MYH14: variants seen among roughly 807,000 people sequenced by gnomAD.
MYH14 encodes myosin heavy chain 14, also known as myosin-14.
MYH14 carries 123 observed loss-of-function variants against 255.5 expected under a neutral mutation model. The observed-to-expected ratio is 0.48, with a 90% CI of 0.42 to 0.56. The LOEUF (loss-of-function observed/expected upper bound fraction) is 0.56. MYH14 is among the 20% of genes least tolerant of loss of function. MYH14 has a pLI of 0.00. For synonymous variants in MYH14, 1,095 were observed against 1,161.2 expected, an observed-to-expected ratio of 0.94 and a Z score of 1.16; for missense variants, 2,423 against 2,802.3, an observed-to-expected ratio of 0.86 and a Z score of 3.06.
intron 17 of MYH14, 130 bp downstream of exon 17, chr19:50,255,448 C>T (rs1429552027): frequency 2.8e-6 from 2 of 705,492 alleles, no homozygotes; most frequent in African/African-American, 3.5e-5. Context: ...CTTCCTTTCC[C>T]TCCTTGTTGG....
chr19:50,223,124 A>G lies in MYH14; in HGVS notation c.590+14A>G. On this transcript the variant is annotated intron_variant, in intron 4 of 42. Transcript: ENST00000642316. Reference sequence around the variant, plus strand: ...CATTCTCTGCACGTGAGTAATCTGGAAGGACTTCCTGGAGGAGGAGAGGTC... The same window carrying G: ...CATTCTCTGCACGTGAGTAATCTGGGAGGACTTCCTGGAGGAGGAGAGGTC... 1 of 1,613,498 alleles carries G rather than the reference A, an allele frequency of 6.2e-7. No homozygotes were observed. Among genetic ancestry groups the G allele is most frequent in the Non-Finnish European group, 8.5e-7 (1 of 1,179,520 alleles).
chr19:50,231,602 A>G (rs1363591854), intron 9 of MYH14, among the ~76,000 whole-genome samples: 7 of 151,840 alleles, frequency 4.6e-5, no homozygotes, highest in Non-Finnish European at 7.4e-5. Context: ...AGTCCCAGCT[A>G]TGTGGGAGGC....
intron 10 of MYH14, among the ~76,000 whole-genome samples, chr19:50,238,651 C>T (rs896140035): frequency 2.6e-5 from 4 of 152,082 alleles, no homozygotes; most frequent in Non-Finnish European, 4.4e-5. Context: ...CGGGGTTCAC[C>T]ATGTTGGCCA....
chr19:50,309,754 G>T lies in MYH14; in HGVS notation c.6075G>T (p.Pro2025=), dbSNP rs764190666. The change falls in exon 43 of 43, where the codon CCG becomes CCT. Residue 2025 remains proline, a synonymous_variant. Transcript: ENST00000642316. ...CACAGCCTGGGTCTGGGCCATCCCC[G>T]GAGCCTGAGGGGTCCCCACCAGCCC... ...EEAQPGSGPS[P]EPEGSPPAHP... 17 of 1,589,414 alleles carry T rather than the reference G, an allele frequency of 1.1e-5. No homozygotes were observed. Among genetic ancestry groups the T allele is most frequent in the Non-Finnish European group, 1.5e-5 (17 of 1,168,334 alleles).
Position 50,210,623 on chromosome 19 carries a change from G to T in MYH14, c.258G>T (p.Gly86=). ...EEAEVELAES[G]RRLRLPRDQI... The stretch of plus-strand genomic sequence containing the variant: ...CGGAGGTGGAGCTGGCGGAGAGCGG[G>T]AGGCGGCTGCGACTGCCGCGGGACC... The change falls in exon 2 of 43, where the codon GGG becomes GGT. Residue 86 remains glycine, a synonymous_variant. Transcript: ENST00000642316. The T allele has an allele frequency of 6.4e-7, 1 of 1,570,310 alleles. No homozygotes were observed. The highest frequency in any genetic ancestry group is 2.4e-5 in the East Asian group (1 of 42,218).
At chr19:50,305,382 C>T (rs536728516) in intron 40 of MYH14, among the ~76,000 whole-genome samples, 1 of 152,210 alleles carries the variant, frequency 6.6e-6, no homozygotes, top group South Asian at 2.1e-4. Flanking sequence ...GAGCTAAGGC[C>T]TGGTGACTGA....
chr19:50,301,609 A>G, intron 39 of MYH14, 52 bp from the exon 40 acceptor site: 8 of 1,472,730 alleles, frequency 5.4e-6, no homozygotes, highest in Non-Finnish European at 6.6e-6. Flanking sequence ...TTTACCTACC[A>G]CCTTCCCTCT....
At chr19:50,225,717 T>C (rs767058979) in intron 7 of MYH14, 40 bp downstream of exon 7, 5 of 1,523,648 alleles carry the variant, frequency 3.3e-6, no homozygotes, top group Admixed American at 1.7e-5. Flanking sequence ...GTGTCAGGGA[T>C]ACAGGAGCTG....
chr19:50,219,510 T>C (rs565786816), intron 3 of MYH14, among the ~76,000 whole-genome samples: 1 of 152,312 alleles, frequency 6.6e-6, no homozygotes, highest in South Asian at 2.1e-4. Context: ...TGTTCCCTCT[T>C]TCTCCGAACA....
intron 13 of MYH14, 98 bp from the exon 14 acceptor site, chr19:50,249,552 C>A: frequency 1.4e-6 from 2 of 1,447,384 alleles, no homozygotes; most frequent in Non-Finnish European, 1.9e-6. Flanking sequence ...TGTCCCCTCT[C>A]GATGCATCTC....
intron 22 of MYH14, among the ~76,000 whole-genome samples, chr19:50,264,704 C>T (rs1265093916): frequency 6.6e-6 from 1 of 152,194 alleles, no homozygotes; most frequent in Non-Finnish European, 1.5e-5. Flanking sequence ...CCTTGGCCAG[C>T]CTGGTCTCTC....
chr19:50,249,412 C>A, intron 13 of MYH14: 1 of 628,288 alleles, frequency 1.6e-6, no homozygotes, highest in Non-Finnish European at 2.7e-6. Context: ...CTCTCTGCAT[C>A]TCTGTCCCCT....
At position 50,252,048 on chromosome 19, in the gene MYH14, G is replaced by A. The variant is rs1236583797; in HGVS notation, c.1831-591G>A. 2.1e-4 allele frequency among the ~76,000 whole-genome samples: 32 copies of A among 152,184 alleles called. No individual in the cohort carries two copies. The highest frequency in any genetic ancestry group is 2.1e-3 in the Admixed American group (32 of 15,278). On this transcript the variant is annotated intron_variant, in intron 15 of 42. Transcript: ENST00000642316. This position sits in a 1 kb window ranked among gnomAD's most constrained non-coding sequence, Gnocchi z 4.2. ...GAACAGCATAGACAATGGCTGGGAG[G>A]CAGGAGATTCCATGTGTTCTGTGTC...
In MYH14 at chr19:50,224,428, A is replaced by G. The variant is rs4538112; in HGVS notation, c.717+251A>G. 0.51 allele frequency among the ~76,000 whole-genome samples: 76,857 copies of G among 152,132 alleles called. 21,992 individuals are homozygous for G. The highest frequency in any genetic ancestry group is 0.64 in the Non-Finnish European group (43,334 of 67,988). ...GCTGATCTACTAAATGTGTCCAGCC[A>G]GGGCCCACAGATGCTGCGTGCACAC... On this transcript the variant is annotated intron_variant, in intron 6 of 42. Transcript: ENST00000642316.
At chr19:50,267,046 G>T in intron 23 of MYH14, 38 bp downstream of exon 23, 1 of 1,511,686 alleles carries the variant, frequency 6.6e-7, no homozygotes, top group East Asian at 2.4e-5. Context: ...GCGTGTCTTC[G>T]GGGTGGGGCT....
At chr19:50,204,535 C>T (rs1656988434) in intron 1 of MYH14, among the ~76,000 whole-genome samples, 1 of 152,138 alleles carries the variant, frequency 6.6e-6, no homozygotes, top group Non-Finnish European at 1.5e-5. Flanking sequence ...TTACTTTGAC[C>T]CTTCCTGCCT....
At chr19:50,303,962 A>G (rs1218726677) in intron 40 of MYH14, among the ~76,000 whole-genome samples, 3 of 152,236 alleles carry the variant, frequency 2.0e-5, no homozygotes, top group Admixed American at 6.5e-5. Flanking sequence ...CACTCTTCCA[A>G]TACAATAGAT....
At chr19:50,256,315 T>C (rs932016075) in intron 17 of MYH14, among the ~76,000 whole-genome samples, 6 of 151,976 alleles carry the variant, frequency 3.9e-5, no homozygotes, top group Non-Finnish European at 5.9e-5. Context: ...ACAGTGCCAA[T>C]AGAAGGAATG....
chr19:50,210,193 G>A (rs938753438), intron 1 of MYH14, among the ~76,000 whole-genome samples, 170 bp from the exon 2 acceptor site: 1 of 151,606 alleles, frequency 6.6e-6, no homozygotes, highest in Non-Finnish European at 1.5e-5. Flanking sequence ...GCCTAGAGAG[G>A]TGAATGAATG....
Sources: gnomAD v4.1 joint callset for allele counts (sites outside exome capture counted in the v4.1 genomes callset) on GRCh38, gnomAD v4.1.1 for gene constraint, Gnocchi (gnomAD v3.1) non-coding constraint, MANE v1.5 for transcripts, NCBI Gene and HGNC (gene_info 2026-07-23, HGNC 2026-07-21) for gene names.